The following ABLIM1 variants were observed in gnomAD, a reference collection of about 807,000 sequenced individuals.
ABLIM1 encodes the protein actin-binding LIM protein 1.
Under a neutral mutation model 107.0 loss-of-function variants are expected in ABLIM1, and 40 were observed. The observed-to-expected ratio is 0.37, with a 90% CI of 0.29 to 0.49. The LOEUF is 0.49. Ranked by LOEUF, ABLIM1 falls within the 20% of genes least tolerant of loss-of-function variation. The pLI, the probability that ABLIM1 is intolerant of heterozygous loss-of-function variation, is 0.97. For missense variants in ABLIM1, 857 were observed against 1,008.5 expected (o/e 0.85, Z 2.04); for synonymous variants, 357 against 357.3 (o/e 1.00, Z 0.01).
chr10:114,744,629 G>A (rs947997406), intron 1 of ABLIM1, among the ~76,000 whole-genome samples: 1 of 152,100 alleles, frequency 6.6e-6, no homozygotes, highest in Admixed American at 6.6e-5. Flanking sequence ...CTGGATGAGA[G>A]AGTAAGACCC....
intron 1 of ABLIM1, among the ~76,000 whole-genome samples, chr10:114,651,783 C>T (rs977746257): frequency 6.6e-6 from 1 of 152,212 alleles, no homozygotes; most frequent in African/African-American, 2.4e-5. Context: ...AGTAACTGGC[C>T]ACCACCTATC....
intron 4 of ABLIM1, among the ~76,000 whole-genome samples, chr10:114,557,671 G>GTTTTGTTTTTT (rs1555173409): frequency 1.2e-4 from 9 of 72,468 alleles, no homozygotes; most frequent in Admixed American, 1.5e-4. Flanking sequence ...ATAGTGAGGT[G>GTTTTGTTTTTT]TTTTTTTTTT....
At chr10:114,678,442 A>G (rs1363177204) in intron 1 of ABLIM1, among the ~76,000 whole-genome samples, 1 of 152,218 alleles carries the variant, frequency 6.6e-6, no homozygotes, top group Admixed American at 6.5e-5. Context: ...GAAGTCTTCC[A>G]CAGCTGACTC....
rs998222697 is a variant in ABLIM1 at position 114,473,904 on chromosome 10, G to A, written c.1094C>T (p.Pro365Leu). Reference protein sequence around the residue: ...SIYSRPGSSIPGSPGHTIYAK... With the variant: ...SIYSRPGSSILGSPGHTIYAK... ...ATAGATAGTATGACCTGGTGAGCCA[G>A]GAATACTGGAGCCTGGCCTAGAATA... The change falls in exon 9 of 23, where the codon CCT becomes CTT. Residue 365 changes from proline to leucine, a missense_variant. Coordinates refer to ENST00000533213, the MANE Select transcript of ABLIM1 (RefSeq NM_002313.7). The A allele has an allele frequency of 1.4e-5, 23 of 1,613,662 alleles. No homozygotes were observed. The highest frequency in any genetic ancestry group is 1.9e-5 in the Non-Finnish European group (22 of 1,179,636).
chr10:114,598,992 G>A lies in ABLIM1; in HGVS notation c.379+2835C>T, dbSNP rs558725186. Reference sequence around the variant, plus strand: ...CAGTTATAGCAGTGATGACAGTGCTGCTCTAGAATCTTGGGAAAAGTCACA... The same window carrying A: ...CAGTTATAGCAGTGATGACAGTGCTACTCTAGAATCTTGGGAAAAGTCACA... On this transcript the variant is annotated intron_variant, in intron 2 of 22. Coordinates refer to ENST00000533213, the MANE Select transcript of ABLIM1 (RefSeq NM_002313.7). Among the ~76,000 whole-genome samples, 4 of 152,260 alleles carry A rather than the reference G, an allele frequency of 2.6e-5. No homozygotes were observed. In the East Asian group the frequency reaches 7.7e-4, roughly 29 times the overall value.
intron 6 of ABLIM1, among the ~76,000 whole-genome samples, chr10:114,515,991 G>T (rs558767165): frequency 6.6e-6 from 1 of 152,256 alleles, no homozygotes; most frequent in South Asian, 2.1e-4. Context: ...TCCAAGTAGT[G>T]GTGCTTTGTT....
At chr10:114,546,594 C>T (rs1000287656) in intron 5 of ABLIM1, among the ~76,000 whole-genome samples, 2 of 152,112 alleles carry the variant, frequency 1.3e-5, no homozygotes, top group African/African-American at 4.8e-5. Context: ...CGCACCCAGC[C>T]TTCTTGCCCT....
chr10:114,572,946 G>T (rs2071911617), intron 3 of ABLIM1, among the ~76,000 whole-genome samples: 2 of 152,124 alleles, frequency 1.3e-5, no homozygotes, highest in Non-Finnish European at 2.9e-5. Context: ...CATGCCCAGA[G>T]GCACCTCGCT....
chr10:114,619,514 C>T lies in ABLIM1; in HGVS notation c.245-17553G>A, dbSNP rs931773191. On this transcript the variant is annotated intron_variant, in intron 1 of 22. Transcript: ENST00000533213. The surrounding 1 kb of genome is among the most constrained non-coding windows in gnomAD (Gnocchi z 4.1). ...GCCTGGCTGAAATGATATTTTTTTT[C>T]TGGAAAAGCTCTTACACATCAAAAA... is the stretch of plus-strand genomic sequence containing the variant. Among the ~76,000 whole-genome samples the T allele has an allele frequency of 2.0e-5, 3 of 152,000 alleles. No individual in the cohort carries two copies. The highest frequency in any genetic ancestry group is 6.5e-5 in the Admixed American group (1 of 15,278).
chr10:114,493,127 G>A lies in ABLIM1; in HGVS notation c.895-1249C>T, dbSNP rs566818936. Among the ~76,000 whole-genome samples the A allele has an allele frequency of 5.9e-5, 9 of 152,190 alleles. No homozygotes were observed. In the South Asian group the frequency reaches 6.2e-4, roughly 11 times the overall value. On this transcript the variant is annotated intron_variant, in intron 6 of 22. Coordinates refer to ENST00000533213, the MANE Select transcript of ABLIM1 (RefSeq NM_002313.7). ...CTGGAGGAGAGTGGCGAGAGAAGGC[G>A]GGAAATATCAACACAAAGTAGCTCC...
chr10:114,637,221 C>G (rs2078526355), intron 1 of ABLIM1, among the ~76,000 whole-genome samples: 1 of 152,094 alleles, frequency 6.6e-6, no homozygotes. Context: ...TGCTAATAAG[C>G]TGGCTTGCAA....
intron 6 of ABLIM1, among the ~76,000 whole-genome samples, chr10:114,536,170 T>C (rs2065974932): frequency 6.7e-6 from 1 of 150,046 alleles, no homozygotes; most frequent in Non-Finnish European, 1.5e-5. Flanking sequence ...ACACATTTCA[T>C]ACAAATGGTA....
chr10:114,794,233 C>T, the ABLIM1 span, among the ~76,000 whole-genome samples: 1 of 152,354 alleles, frequency 6.6e-6, no homozygotes, highest in African/African-American at 2.4e-5. Flanking sequence ...GTTCGCTATC[C>T]TCTTACCCTG....
At chr10:114,539,919 A>T (rs2066458128) in intron 6 of ABLIM1, among the ~76,000 whole-genome samples, 1 of 152,140 alleles carries the variant, frequency 6.6e-6, no homozygotes, top group Non-Finnish European at 1.5e-5. Context: ...AAGCGGGAGA[A>T]GTTTGGAGAA....
At chr10:114,626,670 C>T (rs377027546) in intron 1 of ABLIM1, among the ~76,000 whole-genome samples, 25 of 152,278 alleles carry the variant, frequency 1.6e-4, no homozygotes, top group East Asian at 1.5e-3. Flanking sequence ...CTGATGCCTG[C>T]GTGTAATGGG....
chr10:114,520,493 C>T (rs767408120), intron 6 of ABLIM1, among the ~76,000 whole-genome samples: 30 of 151,864 alleles, frequency 2.0e-4, no homozygotes, highest in South Asian at 1.2e-3. Context: ...TCAGTGCCAT[C>T]GTGGGAGCTA....
chr10:114,474,148 G>T (rs992815006), intron 8 of ABLIM1, among the ~76,000 whole-genome samples, 192 bp from the exon 9 acceptor site: 2 of 152,156 alleles, frequency 1.3e-5, no homozygotes, highest in Non-Finnish European at 2.9e-5. Flanking sequence ...TTTTGAAAAG[G>T]CATGGGGAGG....
rs1284432288 is a variant in ABLIM1, at chr10:114,432,642, T to C, written c.*3618A>G. 2 of 152,162 alleles carry C rather than the reference T, an allele frequency of 1.3e-5. No homozygotes were observed. The highest frequency in any genetic ancestry group is 2.9e-5 in the Non-Finnish European group (2 of 68,028). 9.4% of individuals were successfully genotyped at this position (152,162 alleles called of 1,614,324 possible). A position where few individuals can be genotyped will look rare whatever the true frequency, so the allele number is the denominator to read the frequency against. ...CAGCTAGACGTCTCCGAGTTAGAGT[T>C]GATTGATATACTGGATTGGGATGGA... On this transcript the variant is annotated 3_prime_UTR_variant, in exon 23 of 23. Transcript: ENST00000533213.
chr10:114,596,557 G>T (rs1028257448), intron 2 of ABLIM1, among the ~76,000 whole-genome samples: 1 of 152,120 alleles, frequency 6.6e-6, no homozygotes, highest in Non-Finnish European at 1.5e-5. Flanking sequence ...AGTAACTCAT[G>T]AACCATCAGA....
Sources: gnomAD v4.1 joint callset for allele counts (sites outside exome capture counted in the v4.1 genomes callset) on GRCh38, gnomAD v4.1.1 for gene constraint, Gnocchi (gnomAD v3.1) non-coding constraint, MANE v1.5 for transcripts, NCBI Gene and HGNC (gene_info 2026-07-23, HGNC 2026-07-21) for gene names.